Variants in BRD7 observed in about 807,000 individuals in gnomAD.
BRD7 encodes the protein bromodomain-containing protein 7.
Under a neutral mutation model 82.1 loss-of-function variants are expected in BRD7, and 15 were observed. The observed-to-expected ratio is 0.18, with a 90% confidence interval of 0.12 to 0.28. The LOEUF is 0.28. Ranked by LOEUF, BRD7 falls within the 10% of genes least tolerant of loss-of-function variation. BRD7 has a pLI of 1.00. For missense variants in BRD7, 638 were observed against 779.9 expected (o/e 0.82, Z 2.17); for synonymous variants, 232 against 266.9 (o/e 0.87, Z 1.27).
intron 8 of BRD7, among the ~76,000 whole-genome samples, chr16:50,331,235 G>C (rs1487377221): frequency 4.6e-5 from 7 of 152,178 alleles, no homozygotes; most frequent in Non-Finnish European, 1.5e-5. Flanking sequence ...CGTCCATACT[G>C]TCTAAAGCAA....
Position 50,355,019 on chromosome 16 carries a change from G to T in BRD7, c.259-97C>A. 2.2e-6 allele frequency: 3 copies of T among 1,372,468 alleles called. 1 individual carries two copies. The highest frequency in any genetic ancestry group is 2.9e-5 in the South Asian group (2 of 69,780). 85.0% of individuals were successfully genotyped at this position (1,372,468 alleles called of 1,614,324 possible). On this transcript the variant is annotated intron_variant, in intron 2 of 16. Transcript: ENST00000394688. ...AGGGGTAAAAAGACATCATTGTAAA[G>T]AAAATATTCTTAATAACAAGCTCAA...
intron 8 of BRD7, 129 bp downstream of exon 8, chr16:50,333,442 TCTG>T: frequency 8.7e-7 from 1 of 1,153,310 alleles, no homozygotes; most frequent in South Asian, 1.8e-5. Flanking sequence ...TAATTGTTTT[TCTG>T]CTAAGTATTA....
At chr16:50,360,208 A>T (rs2038886944) in intron 2 of BRD7, among the ~76,000 whole-genome samples, 4 of 152,228 alleles carry the variant, frequency 2.6e-5, no homozygotes, top group Non-Finnish European at 2.9e-5. Flanking sequence ...AATGCCTAAC[A>T]CATAATACTT....
At chr16:50,323,290 T>G (rs2037195050) in intron 12 of BRD7, among the ~76,000 whole-genome samples, 1 of 152,246 alleles carries the variant, frequency 6.6e-6, no homozygotes, top group South Asian at 2.1e-4. Flanking sequence ...AGCAAAACTT[T>G]CCTTTTTTGT....
intron 13 of BRD7, 153 bp from the exon 14 acceptor site, chr16:50,320,927 C>T (rs2037073762): frequency 1.6e-6 from 1 of 630,576 alleles, no homozygotes; most frequent in African/African-American, 1.8e-5. Flanking sequence ...AAATGAATTT[C>T]CAGAACACCC....
chr16:50,341,181 C>CAT (rs1380724571), intron 5 of BRD7, among the ~76,000 whole-genome samples: 6 of 82,934 alleles, frequency 7.2e-5, no homozygotes, highest in Admixed American at 5.6e-4. Flanking sequence ...CTTAAGTACA[C>CAT]ACACACACAC....
At chr16:50,319,393 G>A (rs1327831766) in intron 16 of BRD7, 127 bp from the exon 17 acceptor site, 1 of 758,610 alleles carries the variant, frequency 1.3e-6, no homozygotes, top group Admixed American at 2.7e-5. Flanking sequence ...ATCCAAGGCT[G>A]AAGACTACGC....
intron 4 of BRD7, among the ~76,000 whole-genome samples, chr16:50,352,147 G>A (rs2038551736): frequency 6.6e-6 from 1 of 152,190 alleles, no homozygotes; most frequent in African/African-American, 2.4e-5. Flanking sequence ...ACATGAGTGA[G>A]ATGATGTCAT....
chr16:50,350,449 A>G (rs1054949506), intron 4 of BRD7, among the ~76,000 whole-genome samples: 19 of 152,234 alleles, frequency 1.2e-4, no homozygotes, highest in African/African-American at 4.3e-4. Flanking sequence ...ATGAAGCAAA[A>G]TAAACAACCT....
chr16:50,338,263 G>A (rs1186002133), intron 6 of BRD7, among the ~76,000 whole-genome samples: 1 of 152,298 alleles, frequency 6.6e-6, no homozygotes, highest in East Asian at 1.9e-4. Context: ...TGCGAATGTT[G>A]TCAAAGATGG....
intron 9 of BRD7, 39 bp from the exon 10 acceptor site, chr16:50,326,430 T>A (rs754466865): frequency 1.4e-5 from 20 of 1,426,968 alleles, no homozygotes; most frequent in African/African-American, 2.9e-5. Context: ...GAGGCCTACA[T>A]GGCCATGACC....
chr16:50,328,555 G>T, intron 9 of BRD7, 114 bp downstream of exon 9: 3 of 815,692 alleles, frequency 3.7e-6, no homozygotes, highest in Non-Finnish European at 3.8e-6. Flanking sequence ...GATCCTTTGT[G>T]CATAATGACA....
chr16:50,367,277 C>T (rs1125066), intron 2 of BRD7, among the ~76,000 whole-genome samples: 33,591 of 152,074 alleles, frequency 0.22, 4,156 homozygotes, highest in African/African-American at 0.31. Context: ...GGCTGGAGTG[C>T]AGTGGTATGA....
intron 12 of BRD7, 42 bp downstream of exon 12, chr16:50,323,545 G>A (rs1460747932): frequency 1.4e-6 from 2 of 1,380,490 alleles, no homozygotes; most frequent in African/African-American, 2.9e-5. Context: ...ATGCTTGAGA[G>A]TCGATAATAA....
At chr16:50,368,639 C>A in intron 1 of BRD7, 87 bp downstream of exon 1, 1 of 1,438,466 alleles carries the variant, frequency 7.0e-7, no homozygotes, top group Non-Finnish European at 9.4e-7. Context: ...AGGAAGGGCC[C>A]CGGGCCGCCC....
chr16:50,362,600 G>C (rs1241548928), intron 2 of BRD7, among the ~76,000 whole-genome samples: 1 of 152,198 alleles, frequency 6.6e-6, no homozygotes, highest in Admixed American at 6.5e-5. Context: ...CCATACAATG[G>C]AGTAGCAATT....
chr16:50,340,540 C>A (rs1020870385), intron 5 of BRD7, among the ~76,000 whole-genome samples: 1 of 152,188 alleles, frequency 6.6e-6, no homozygotes, highest in African/African-American at 2.4e-5. Context: ...CAGATCTTGA[C>A]TGAAAACGGA....
At chr16:50,368,452 G>A (rs886475818) in intron 1 of BRD7, 154 bp from the exon 2 acceptor site, 2 of 904,508 alleles carry the variant, frequency 2.2e-6, no homozygotes, top group African/African-American at 3.4e-5. Context: ...CCCGGCCCGG[G>A]GGTGCGGCGG....
At chr16:50,355,646 A>G (rs2038703453) in intron 2 of BRD7, among the ~76,000 whole-genome samples, 1 of 152,246 alleles carries the variant, frequency 6.6e-6, no homozygotes, top group Non-Finnish European at 1.5e-5. Flanking sequence ...GAAAAGAGAA[A>G]ATAGAATTTG....
Sources: gnomAD v4.1 joint callset for allele counts (sites outside exome capture counted in the v4.1 genomes callset) on GRCh38, gnomAD v4.1.1 for gene constraint, MANE v1.5 for transcripts, NCBI Gene and HGNC (gene_info 2026-07-23, HGNC 2026-07-21) for gene names.